Variants in MED15 observed in about 807,000 individuals in gnomAD.
The protein encoded by MED15 is mediator of RNA polymerase II transcription subunit 15.
MED15 carries 41 observed loss-of-function variants against 118.7 expected under a neutral mutation model. The observed-to-expected ratio is 0.35, with a 90% CI of 0.27 to 0.45. The LOEUF is 0.45. Among genes scored for constraint, MED15 ranks in the 20% least tolerant of loss-of-function variants. The pLI is 1.00. For synonymous variants in MED15, 436 were observed against 413.9 expected, an observed-to-expected ratio of 1.05 and a Z score of -0.65; for missense variants, 740 against 1,025.5, an observed-to-expected ratio of 0.72 and a Z score of 3.80.
At chr22:20,549,115 T>A (rs1279185995) in intron 2 of MED15, among the ~76,000 whole-genome samples, 2 of 152,200 alleles carry the variant, frequency 1.3e-5, no homozygotes, top group Non-Finnish European at 2.9e-5. Context: ...TGGAGTTTTT[T>A]AAGGTTTCTG....
chr22:20,556,135 TA>T (rs1445925967), intron 5 of MED15, among the ~76,000 whole-genome samples: 1 of 152,172 alleles, frequency 6.6e-6, no homozygotes, highest in Non-Finnish European at 1.5e-5. Context: ...TTTTTATTTT[TA>T]AAATAGGAGT....
Position 20,529,887 on chromosome 22 carries a change from C to G in MED15, c.69-7230C>G, listed in dbSNP as rs113691889. ...GATTACAGGCGTGAGCCACTGTGCT[C>G]AGCTAATTTTTGTATTTTTAGTAGA... On this transcript the variant is annotated intron_variant, in intron 1 of 17. Coordinates refer to ENST00000263205, the MANE Select transcript of MED15 (RefSeq NM_001003891.3). Among the ~76,000 whole-genome samples, 836 of 151,738 alleles carry G rather than the reference C, an allele frequency of 5.5e-3. 11 individuals are homozygous for G. The highest frequency in any genetic ancestry group is 0.018 in the African/African-American group (754 of 41,328).
At chr22:20,511,498 G>GA (rs35887140) in intron 1 of MED15, among the ~76,000 whole-genome samples, 45,802 of 142,526 alleles carry the variant, frequency 0.32, 7,829 homozygotes, top group African/African-American at 0.48. Context: ...CTCAAAAAAA[G>GA]AAAAAAAAAA....
intron 1 of MED15, among the ~76,000 whole-genome samples, chr22:20,532,434 G>A (rs1312167673): frequency 1.3e-5 from 2 of 152,182 alleles, no homozygotes; most frequent in African/African-American, 4.8e-5. Context: ...CCCCTTAGTG[G>A]GGGAGCTCCA....
At chr22:20,541,309 C>T (rs2055299485) in intron 2 of MED15, among the ~76,000 whole-genome samples, 1 of 151,984 alleles carries the variant, frequency 6.6e-6, no homozygotes, top group Non-Finnish European at 1.5e-5. Context: ...CTTGAATAAA[C>T]CTATCTCCAA....
chr22:20,525,816 G>T (rs767733365), intron 1 of MED15, among the ~76,000 whole-genome samples: 2 of 152,014 alleles, frequency 1.3e-5, no homozygotes, highest in Non-Finnish European at 2.9e-5. Flanking sequence ...GATTACAGGT[G>T]TGAGCCCCTG....
At chr22:20,562,136 G>A (rs1301043561) in intron 5 of MED15, among the ~76,000 whole-genome samples, 1 of 152,052 alleles carries the variant, frequency 6.6e-6, no homozygotes, top group Non-Finnish European at 1.5e-5. Flanking sequence ...ATTCCAGCCT[G>A]GGTGACAGAG....
At chr22:20,570,668 G>A (rs902697116) in intron 8 of MED15, among the ~76,000 whole-genome samples, 9 of 150,824 alleles carry the variant, frequency 6.0e-5, no homozygotes, top group Admixed American at 3.3e-4. Context: ...TGGGATTATA[G>A]GCATGAGCCA....
chr22:20,560,070 C>T (rs2056173893), intron 5 of MED15, among the ~76,000 whole-genome samples: 1 of 152,060 alleles, frequency 6.6e-6, no homozygotes, highest in African/African-American at 2.4e-5. Flanking sequence ...GGGTGGAGAC[C>T]AGAGGTGCTG....
intron 9 of MED15, among the ~76,000 whole-genome samples, chr22:20,579,875 G>T (rs1431015836): frequency 6.6e-6 from 1 of 152,024 alleles, no homozygotes. Flanking sequence ...CCTTCCCTAG[G>T]ATGTGTGACA....
chr22:20,562,351 A>G (rs1003016840), intron 5 of MED15, among the ~76,000 whole-genome samples: 2 of 152,196 alleles, frequency 1.3e-5, no homozygotes, highest in African/African-American at 4.8e-5. Context: ...GCAAGCTTCA[A>G]CAATTTCAGA....
chr22:20,553,325 C>T, intron 4 of MED15, 151 bp downstream of exon 4: 2 of 773,012 alleles, frequency 2.6e-6, no homozygotes, highest in Non-Finnish European at 4.2e-6. Context: ...GGCTGACCAG[C>T]TGTGCCCTGA....
chr22:20,584,184 C>A, intron 13 of MED15, 175 bp from the exon 14 acceptor site: 1 of 646,110 alleles, frequency 1.5e-6, no homozygotes, highest in Non-Finnish European at 2.7e-6. Context: ...GGACAAGCAG[C>A]TCCTGGGGTT....
chr22:20,584,565 G>A, intron 14 of MED15, 140 bp downstream of exon 14: 2 of 1,047,168 alleles, frequency 1.9e-6, no homozygotes, highest in Non-Finnish European at 2.9e-6. Flanking sequence ...GAGGCTTCCT[G>A]GCCAGGTCTG....
At chr22:20,557,404 G>A (rs1406070781) in intron 5 of MED15, among the ~76,000 whole-genome samples, 2 of 152,040 alleles carry the variant, frequency 1.3e-5, no homozygotes, top group Admixed American at 1.3e-4. Flanking sequence ...CTCTCAGCAC[G>A]TGCTGGTTTC....
At chr22:20,562,803 C>T (rs560521822) in intron 5 of MED15, among the ~76,000 whole-genome samples, 1 of 152,056 alleles carries the variant, frequency 6.6e-6, no homozygotes, top group South Asian at 2.1e-4. Flanking sequence ...TTTGTGAGGT[C>T]GAGGCAGGAG....
intron 2 of MED15, chr22:20,551,138 G>C (rs1373684745): frequency 3.4e-6 from 2 of 589,698 alleles, no homozygotes; most frequent in South Asian, 3.0e-5. Flanking sequence ...ATGAAGAGAG[G>C]GCACTCAAGA....
chr22:20,576,974 T>A (rs2056841752), intron 9 of MED15, among the ~76,000 whole-genome samples: 1 of 152,202 alleles, frequency 6.6e-6, no homozygotes, highest in Non-Finnish European at 1.5e-5. Context: ...TAGGACTGAT[T>A]TTTATAAACA....
chr22:20,522,919 C>T (rs1010337143), intron 1 of MED15: 8 of 152,224 alleles, frequency 5.3e-5, no homozygotes, highest in Non-Finnish European at 2.9e-5. Flanking sequence ...GCCCCATCAG[C>T]CTCCAGTCAC....
Sources: gnomAD v4.1 joint callset for allele counts (sites outside exome capture counted in the v4.1 genomes callset) on GRCh38, gnomAD v4.1.1 for gene constraint, MANE v1.5 for transcripts, NCBI Gene and HGNC (gene_info 2026-07-23, HGNC 2026-07-21) for gene names.